DGLUCY: variants seen among roughly 807,000 people sequenced by gnomAD.
DGLUCY encodes D-glutamate cyclase, mitochondrial.
In DGLUCY, 58 loss-of-function variants were observed where a neutral mutation model predicts 58.5. That is an observed-to-expected ratio of 0.99 (90% confidence interval 0.80 to 1.23). DGLUCY has a LOEUF of 1.23. DGLUCY is among the 50% of genes most tolerant of loss of function. DGLUCY has a pLI of 0.00. For synonymous variants in DGLUCY, 325 were observed against 314.1 expected (o/e 1.03, Z -0.37); for missense variants, 779 against 784.7 (o/e 0.99, Z 0.09).
intron 4 of DGLUCY, among the ~76,000 whole-genome samples, 156 bp from the exon 5 acceptor site, chr14:91,169,847 G>A (rs1421090129): frequency 1.3e-5 from 2 of 152,098 alleles, no homozygotes; most frequent in African/African-American, 2.4e-5. Context: ...ATGCCAGCAA[G>A]GCCCCCTGCT....
rs1472656080 is a variant in DGLUCY at position 91,167,302 on chromosome 14, G to T, written c.181G>T (p.Gly61Cys). 1 of 1,613,854 alleles carries T rather than the reference G, an allele frequency of 6.2e-7. No individual in the cohort carries two copies. Among genetic ancestry groups the T allele is most frequent in the East Asian group, 2.2e-5 (1 of 44,890 alleles). Residue 61 changes from glycine to cysteine, a missense_variant, in exon 4 of 14, where the codon GGT becomes TGT. Gly to Cys is a radical substitution (Grantham distance 159). Transcript: ENST00000256324. ...AFERFCQVNTGPLPLLGQSEP... is the reference protein window; with the variant it reads ...AFERFCQVNTCPLPLLGQSEP... Reference sequence around the variant, plus strand: ...TGAAAGATTCTGCCAGGTCAACACTGGTCCTCTACCCCTGCTGGGCCAGAG... The same window carrying T: ...TGAAAGATTCTGCCAGGTCAACACTTGTCCTCTACCCCTGCTGGGCCAGAG...
chr14:91,168,745 G>T (rs2048413682), intron 4 of DGLUCY, among the ~76,000 whole-genome samples: 1 of 152,216 alleles, frequency 6.6e-6, no homozygotes, highest in African/African-American at 2.4e-5. Context: ...TTGCCAGTAT[G>T]TGTTTTCAGT....
intron 1 of DGLUCY, among the ~76,000 whole-genome samples, chr14:91,085,987 G>C (rs1349189868): frequency 6.6e-6 from 1 of 152,198 alleles, no homozygotes; most frequent in Admixed American, 6.5e-5. Flanking sequence ...CAAGCAATCT[G>C]TGTTTACAGT....
intron 3 of DGLUCY, among the ~76,000 whole-genome samples, chr14:91,165,773 C>A (rs2048248756): frequency 1.3e-5 from 2 of 152,188 alleles, no homozygotes; most frequent in Admixed American, 6.5e-5. Flanking sequence ...GTGCAAGTGT[C>A]AATTGGCACA....
intron 5 of DGLUCY, among the ~76,000 whole-genome samples, chr14:91,171,247 T>G (rs967327237): frequency 6.6e-6 from 1 of 152,218 alleles, no homozygotes; most frequent in Non-Finnish European, 1.5e-5. Flanking sequence ...CTGGAACCCC[T>G]GGCTCCCATC....
intron 1 of DGLUCY, among the ~76,000 whole-genome samples, chr14:91,115,512 C>T (rs1156667364): frequency 1.3e-5 from 2 of 152,184 alleles, no homozygotes; most frequent in Non-Finnish European, 2.9e-5. Context: ...CAACCTCCAT[C>T]TCCTGGGTTC....
intron 1 of DGLUCY, among the ~76,000 whole-genome samples, chr14:91,091,760 C>G (rs1243971741): frequency 4.6e-5 from 7 of 152,160 alleles, no homozygotes; most frequent in African/African-American, 1.7e-4. Context: ...GACCCCTGTT[C>G]CATCCCTTAT....
upstream of DGLUCY, among the ~76,000 whole-genome samples, chr14:91,112,074 C>T (rs2044712114): frequency 6.7e-6 from 1 of 150,214 alleles, no homozygotes; most frequent in Non-Finnish European, 1.5e-5. Flanking sequence ...CCCGTCTCTA[C>T]TACTAAAAAA....
chr14:91,177,061 T>C (rs1431536579), intron 7 of DGLUCY, among the ~76,000 whole-genome samples: 1 of 152,038 alleles, frequency 6.6e-6, no homozygotes, highest in Non-Finnish European at 1.5e-5. Context: ...TTCAGTGGCA[T>C]CATCATAGCT....
At chr14:91,142,823 ACACAC>A (rs1415948995) in intron 1 of DGLUCY, among the ~76,000 whole-genome samples, 4 of 792 alleles carry the variant, frequency 5.1e-3, no homozygotes, top group Non-Finnish European at 7.9e-3. Context: ...CACACACACA[ACACAC>A]CATCTCTACT....
intron 1 of DGLUCY, among the ~76,000 whole-genome samples, chr14:91,121,307 C>T (rs559517967): frequency 6.6e-6 from 1 of 152,300 alleles, no homozygotes; most frequent in Non-Finnish European, 1.5e-5. Flanking sequence ...TGTCCTACTC[C>T]ACCTCCAATC....
At chr14:91,182,898 G>GTTATT (rs59683770) in intron 8 of DGLUCY, among the ~76,000 whole-genome samples, 57 of 149,580 alleles carry the variant, frequency 3.8e-4, no homozygotes, top group South Asian at 2.7e-3. Flanking sequence ...ATTCCAATTA[G>GTTATT]TTATTTTATT....
intron 3 of DGLUCY, among the ~76,000 whole-genome samples, chr14:91,163,972 C>A (rs187438710): frequency 6.6e-6 from 1 of 152,092 alleles, no homozygotes; most frequent in Non-Finnish European, 1.5e-5. Flanking sequence ...TTTTTTGAGA[C>A]AGATTCTTGC....
chr14:91,189,292 C>A, intron 9 of DGLUCY, 122 bp downstream of exon 9: 1 of 1,288,992 alleles, frequency 7.8e-7, no homozygotes, highest in Non-Finnish European at 1.1e-6. Flanking sequence ...CCGTTGTAAG[C>A]TGCATAGCTT....
At chr14:91,166,442 A>C (rs2048286302) in intron 3 of DGLUCY, among the ~76,000 whole-genome samples, 1 of 152,140 alleles carries the variant, frequency 6.6e-6, no homozygotes. Context: ...AGACAGGCAG[A>C]TCACTTGAGC....
At chr14:91,142,165 C>T (rs377447174) in intron 1 of DGLUCY, among the ~76,000 whole-genome samples, 1 of 152,098 alleles carries the variant, frequency 6.6e-6, no homozygotes, top group East Asian at 1.9e-4. Context: ...AATTAACCTG[C>T]TCAAGGATCA....
rs142686008 is a variant in DGLUCY, at chr14:91,224,789, G to A, written c.1822G>A (p.Glu608Lys). 2.7e-5 allele frequency: 44 copies of A among 1,613,612 alleles called. No homozygotes were observed. The highest frequency in any genetic ancestry group is 2.1e-4 in the African/African-American group (16 of 75,026). The change falls in exon 14 of 14, where the codon GAG becomes AAG. Residue 608 changes from glutamate to lysine, a missense_variant. Physicochemically the swap from Glu to Lys is moderately conservative, Grantham distance 56 (BLOSUM62 1). Coordinates refer to ENST00000256324, the MANE Select transcript of DGLUCY (RefSeq NM_001102368.3). ...GCTGCCCTTCCACAACACCCACGCC[G>A]AGATGATCCAGAAGCTGGTGGACGT... ...DGLPFHNTHAEMIQKLVDVTT... is the reference protein window; with the variant it reads ...DGLPFHNTHAKMIQKLVDVTT...
chr14:91,116,618 A>G (rs1312164386), intron 1 of DGLUCY, among the ~76,000 whole-genome samples: 1 of 152,162 alleles, frequency 6.6e-6, no homozygotes, highest in Non-Finnish European at 1.5e-5. Context: ...GCAAGTTCAT[A>G]GCAAAGTGGA....
intron 12 of DGLUCY, among the ~76,000 whole-genome samples, chr14:91,212,142 C>T (rs932222616): frequency 1.3e-5 from 2 of 152,200 alleles, no homozygotes; most frequent in Admixed American, 1.3e-4. Context: ...AGGCATTATC[C>T]GTGAAAGAAA....
Sources: allele counts gnomAD v4.1 joint callset (sites outside exome capture counted in the v4.1 genomes callset), GRCh38; gene constraint gnomAD v4.1.1; transcripts MANE v1.5; gene names NCBI Gene and HGNC (gene_info 2026-07-23, HGNC 2026-07-21).